The following RHEX variants were observed in gnomAD, a reference collection of about 807,000 sequenced individuals.
The protein encoded by RHEX is regulator of hemoglobinization and erythroid cell expansion protein.
RHEX carries 18 observed loss-of-function variants against 20.1 expected under a neutral mutation model. The observed-to-expected ratio is 0.90, with a 90% confidence interval of 0.62 to 1.33. RHEX has a LOEUF of 1.33. Ranked by LOEUF, RHEX falls within the 40% of genes most tolerant of loss-of-function variation. RHEX has a pLI of 0.00. For synonymous variants in RHEX, 87 were observed against 77.1 expected, an observed-to-expected ratio of 1.13 and a Z score of -0.67; for missense variants, 192 against 214.3, an observed-to-expected ratio of 0.90 and a Z score of 0.65.
intron 1 of RHEX, among the ~76,000 whole-genome samples, chr1:206,079,018 C>G (rs1372262400): frequency 2.0e-5 from 3 of 152,150 alleles, no homozygotes; most frequent in Non-Finnish European, 4.4e-5. Flanking sequence ...CCTGATTCTG[C>G]TACTTAAACA....
chr1:206,097,531 G>T (rs1413841980), intron 1 of RHEX: 1 of 482,024 alleles, frequency 2.1e-6, no homozygotes, highest in Non-Finnish European at 3.7e-6. Flanking sequence ...ATCTCTGGGA[G>T]TGAAAATGTT....
At chr1:206,085,712 CT>C (rs1175119019) in intron 1 of RHEX, among the ~76,000 whole-genome samples, 1 of 152,142 alleles carries the variant, frequency 6.6e-6, no homozygotes, top group African/African-American at 2.4e-5. Flanking sequence ...CTCTTTCTCA[CT>C]TTTGAATCTC....
intron 1 of RHEX, among the ~76,000 whole-genome samples, chr1:206,068,842 A>G (rs1553284411): frequency 6.6e-6 from 1 of 152,224 alleles, no homozygotes; most frequent in African/African-American, 2.4e-5. Flanking sequence ...CCCAGGGGGC[A>G]TCCCATAGGA....
At chr1:206,065,826 T>C (rs1440306946) in intron 1 of RHEX, among the ~76,000 whole-genome samples, 1 of 152,116 alleles carries the variant, frequency 6.6e-6, no homozygotes, top group Non-Finnish European at 1.5e-5. Flanking sequence ...GTCTTGGTGA[T>C]AGGGTGGGGA....
At chr1:206,089,606 T>C (rs987178147) in intron 1 of RHEX, among the ~76,000 whole-genome samples, 13 of 152,128 alleles carry the variant, frequency 8.5e-5, no homozygotes, top group African/African-American at 3.1e-4. Flanking sequence ...TTCTGGATTG[T>C]TTGTAAATTG....
intron 1 of RHEX, among the ~76,000 whole-genome samples, chr1:206,082,508 A>G (rs1315532439): frequency 1.3e-5 from 2 of 148,170 alleles, no homozygotes; most frequent in Non-Finnish European, 3.0e-5. Context: ...ACAGAGAGAG[A>G]CTCCGTCTCA....
intron 1 of RHEX, among the ~76,000 whole-genome samples, chr1:206,075,470 A>C (rs1662620184): frequency 6.6e-6 from 1 of 152,244 alleles, no homozygotes; most frequent in African/African-American, 2.4e-5. Context: ...GGCTGGCGGC[A>C]GAAATTTAAG....
At chr1:206,079,108 TAAAG>T (rs2102318006) in intron 1 of RHEX, among the ~76,000 whole-genome samples, 1 of 152,328 alleles carries the variant, frequency 6.6e-6, no homozygotes, top group Admixed American at 6.5e-5. Flanking sequence ...ATATTCCTTG[TAAAG>T]TTGTTCTGAG....
intron 1 of RHEX, among the ~76,000 whole-genome samples, chr1:206,057,488 C>G (rs2102302730): frequency 6.6e-6 from 1 of 152,372 alleles, no homozygotes; most frequent in East Asian, 1.9e-4. Flanking sequence ...TGGTGGAGTT[C>G]CAATTACACA....
chr1:206,077,808 T>A (rs546535603), intron 1 of RHEX, among the ~76,000 whole-genome samples: 1 of 152,220 alleles, frequency 6.6e-6, no homozygotes, highest in Non-Finnish European at 1.5e-5. Flanking sequence ...TTAGTTACCC[T>A]GAACACATTG....
At chr1:206,081,868 T>C (rs1553285935) in intron 1 of RHEX, among the ~76,000 whole-genome samples, 1 of 152,118 alleles carries the variant, frequency 6.6e-6, no homozygotes. Context: ...ATAATAGAAA[T>C]AGCAGGCCAA....
In RHEX at chr1:206,094,756, C is replaced by T. The variant is rs191844369; in HGVS notation, c.-96-2977C>T. On this transcript the variant is annotated intron_variant, in intron 1 of 5. Transcript: ENST00000331555. ...AGGGAGACAGGGTCTTACTCTGTCA[C>T]CGGGCTCTTCTCAAACTCCCGGCCT... Among the ~76,000 whole-genome samples, 63 of 152,264 alleles carry T rather than the reference C, an allele frequency of 4.1e-4. No homozygotes were observed. The East Asian group carries it at 0.01, about 25-fold the overall frequency.
chr1:206,076,381 G>A (rs150347403), intron 1 of RHEX, among the ~76,000 whole-genome samples: 1 of 152,300 alleles, frequency 6.6e-6, no homozygotes, highest in Non-Finnish European at 1.5e-5. Flanking sequence ...GCCCAGGCTG[G>A]TCTCAAACTC....
At chr1:206,098,249 C>A in intron 3 of RHEX, 68 bp downstream of exon 3, 1 of 1,198,916 alleles carries the variant, frequency 8.3e-7, no homozygotes, top group Non-Finnish European at 1.2e-6. Flanking sequence ...TCCAGCAGGA[C>A]AAGACCCCTT....
intron 1 of RHEX, among the ~76,000 whole-genome samples, chr1:206,081,488 T>G (rs1338951025): frequency 5.9e-5 from 9 of 152,290 alleles, no homozygotes; most frequent in African/African-American, 1.9e-4. Context: ...ATGCCTCAGA[T>G]TTTTAGGTCA....
At chr1:206,083,508 G>T in intron 1 of RHEX, 2 of 985,422 alleles carry the variant, frequency 2.0e-6, no homozygotes, top group Non-Finnish European at 2.4e-6. Context: ...CTCCCGCCTT[G>T]TTGGAAATGT....
At chr1:206,080,927 C>T (rs28415773) in intron 1 of RHEX, among the ~76,000 whole-genome samples, 17,382 of 152,040 alleles carry the variant, frequency 0.11, 1,147 homozygotes, top group South Asian at 0.19. Flanking sequence ...CTCAGCCTCC[C>T]GAGTAGCTGG....
chr1:206,078,510 A>G (rs149290053), intron 1 of RHEX, among the ~76,000 whole-genome samples: 2,146 of 152,316 alleles, frequency 0.014, 58 homozygotes, highest in Admixed American at 0.071. Context: ...GCAGCGAGCC[A>G]TGATCATGCC....
chr1:206,094,169 G>GGTGTGTGTGTGTGTGT (rs66885504), intron 1 of RHEX, among the ~76,000 whole-genome samples: 5 of 148,576 alleles, frequency 3.4e-5, no homozygotes, highest in African/African-American at 1.2e-4. Flanking sequence ...CTGGTTATTT[G>GGTGTGTGTGTGTGTGT]GTGTGTGTGT....
Sources: gnomAD v4.1 joint callset for allele counts (sites outside exome capture counted in the v4.1 genomes callset) on GRCh38, gnomAD v4.1.1 for gene constraint, MANE v1.5 for transcripts, NCBI Gene and HGNC (gene_info 2026-07-23, HGNC 2026-07-21) for gene names.